The following KCNA2 variants were observed in gnomAD, a reference collection of about 807,000 sequenced individuals.
The protein encoded by KCNA2 is potassium voltage-gated channel subfamily A member 2.
In KCNA2, 11 loss-of-function variants were observed where a neutral mutation model predicts 33.4. That is an observed-to-expected ratio of 0.33 (90% CI 0.21 to 0.55). KCNA2 has a LOEUF of 0.55. KCNA2 is among the 20% of genes least tolerant of loss of function. The probability of loss-of-function intolerance (pLI) is 0.93; values close to 1 mark genes in which losing one functional copy is unlikely to be tolerated. For synonymous variants in KCNA2, 222 were observed against 231.3 expected (o/e 0.96, Z 0.37); for missense variants, 291 against 621.6 (o/e 0.47, Z 5.66).
chr1:110,599,933 G>T lies in KCNA2; in HGVS notation c.*3350C>A. 3.0e-6 allele frequency: 3 copies of T among 985,376 alleles called. No individual in the cohort carries two copies. The highest frequency in any genetic ancestry group is 3.6e-6 in the Non-Finnish European group (3 of 829,938). 61.0% of individuals were successfully genotyped at this position (985,376 alleles called of 1,614,324 possible). A position where few individuals can be genotyped will look rare whatever the true frequency, so the allele number is the denominator to read the frequency against. ...CCCAGGTTTCTGGTGGGAGGAAGGT[G>T]AATTGGTAGAGACCCCATGCAATTC... On this transcript the variant is annotated 3_prime_UTR_variant, in exon 3 of 3. Coordinates refer to ENST00000316361, the MANE Select transcript of KCNA2 (RefSeq NM_004974.4).
intron 1 of KCNA2, among the ~76,000 whole-genome samples, chr1:110,625,000 T>C (rs1453319600): frequency 6.6e-6 from 1 of 152,192 alleles, no homozygotes; most frequent in Non-Finnish European, 1.5e-5. Context: ...CATCCTGACT[T>C]CTTCCTCCTT....
At chr1:110,631,194 C>A (rs61784717) in intron 1 of KCNA2, among the ~76,000 whole-genome samples, 261 of 152,266 alleles carry the variant, frequency 1.7e-3, no homozygotes, top group Non-Finnish European at 1.9e-3. Context: ...CATTACTGAT[C>A]CCCGGGTTGC....
In KCNA2 at chr1:110,597,776, A is replaced by G. The variant is rs992163152; in HGVS notation, c.*5507T>C. On this transcript the variant is annotated 3_prime_UTR_variant, in exon 3 of 3. Transcript: ENST00000316361. ...AAGATTTTGAAAGAGCTATTGCTAAAGAAAACAGTCACTATTTATTTTATT... is the reference window on the plus strand; with the variant it reads ...AAGATTTTGAAAGAGCTATTGCTAAGGAAAACAGTCACTATTTATTTTATT... The G allele has an allele frequency of 6.1e-6, 6 of 985,182 alleles. No individual in the cohort carries two copies. The African/African-American group carries it at 1.0e-4, about 17-fold the overall frequency. The allele number at this position is 985,182 out of a possible 1,614,324, so 61.0% of individuals were successfully genotyped here. A position where few individuals can be genotyped will look rare whatever the true frequency, so the allele number is the denominator to read the frequency against.
intron 1 of KCNA2, among the ~76,000 whole-genome samples, chr1:110,630,804 G>A (rs771602463): frequency 2.0e-5 from 3 of 152,128 alleles, no homozygotes; most frequent in African/African-American, 4.8e-5. Context: ...GGACCCCATT[G>A]TCACTGCCTC....
Position 110,597,609 on chromosome 1 carries a change from G to T in KCNA2, c.*5674C>A, listed in dbSNP as rs1649151225. 2 of 985,316 alleles carry T rather than the reference G, an allele frequency of 2.0e-6. No individual in the cohort carries two copies. The highest frequency in any genetic ancestry group is 9.4e-5 in the South Asian group (2 of 21,286). The allele number at this position is 985,316 out of a possible 1,614,324, so 61.0% of individuals were successfully genotyped here. A position where few individuals can be genotyped will look rare whatever the true frequency, so the allele number is the denominator to read the frequency against. On this transcript the variant is annotated 3_prime_UTR_variant, in exon 3 of 3. Transcript: ENST00000316361. The stretch of plus-strand genomic sequence containing the variant: ...CTTAGCATATGTGTCCATTCCAGAA[G>T]GAGGTCAGATCTCAAGAGGACAGGA...
chr1:110,624,376 G>C (rs1378426037), intron 1 of KCNA2, among the ~76,000 whole-genome samples: 1 of 152,336 alleles, frequency 6.6e-6, no homozygotes, highest in East Asian at 1.9e-4. Flanking sequence ...AGTGAAAGAA[G>C]ACAGACATAA....
At chr1:110,622,231 T>C (rs578060978) in intron 1 of KCNA2, among the ~76,000 whole-genome samples, 29 of 152,228 alleles carry the variant, frequency 1.9e-4, no homozygotes, top group African/African-American at 6.7e-4. Flanking sequence ...ATGAAAAATA[T>C]GAAAAAGCAA....
Position 110,601,639 on chromosome 1 carries a change from A to T in KCNA2, c.*1644T>A. ...AATTCTAACGTCTAGGAATCCATGG[A>T]TACCGGAGTGTCTGAGGCAATGGCA... is the stretch of plus-strand genomic sequence containing the variant. On this transcript the variant is annotated 3_prime_UTR_variant, in exon 3 of 3. Coordinates refer to ENST00000316361, the MANE Select transcript of KCNA2 (RefSeq NM_004974.4). The T allele has an allele frequency of 9.8e-7, 1 of 1,023,974 alleles. No individual in the cohort carries two copies. Among genetic ancestry groups the T allele is most frequent in the Non-Finnish European group, 1.2e-6 (1 of 855,752 alleles). The allele number at this position is 1,023,974 out of a possible 1,614,324, so 63.4% of individuals were successfully genotyped here. A position where few individuals can be genotyped will look rare whatever the true frequency, so the allele number is the denominator to read the frequency against.
chr1:110,599,606 A>T lies in KCNA2; in HGVS notation c.*3677T>A. On this transcript the variant is annotated 3_prime_UTR_variant, in exon 3 of 3. Transcript: ENST00000316361. ...CTCATTTTAAGAGACAGGTCTCTAT[A>T]GGGTCTCAACTTCCTGACCGTGCCC... The T allele has an allele frequency of 2.0e-6, 2 of 985,498 alleles. No individual in the cohort carries two copies. Among genetic ancestry groups the T allele is most frequent in the Non-Finnish European group, 2.4e-6 (2 of 829,960 alleles). 61.0% of individuals were successfully genotyped at this position (985,498 alleles called of 1,614,324 possible).
At position 110,602,290 on chromosome 1, in the gene KCNA2, T is replaced by G. The variant is rs1649395113; in HGVS notation, c.*993A>C. Reference sequence around the variant, plus strand: ...TGCCTTCTGATGGGAAAAAAACCCCTAGTTCAAGACCATTCCAAGCCTATT... The same window carrying G: ...TGCCTTCTGATGGGAAAAAAACCCCGAGTTCAAGACCATTCCAAGCCTATT... On this transcript the variant is annotated 3_prime_UTR_variant, in exon 3 of 3. Transcript: ENST00000316361. 6 of 1,492,436 alleles carry G rather than the reference T, an allele frequency of 4.0e-6. No individual in the cohort carries two copies. In the South Asian group the frequency reaches 8.1e-5, roughly 20 times the overall value. 92.4% of individuals were successfully genotyped at this position (1,492,436 alleles called of 1,614,324 possible).
chr1:110,618,837 C>T (rs1332423947), intron 1 of KCNA2, among the ~76,000 whole-genome samples: 1 of 152,190 alleles, frequency 6.6e-6, no homozygotes, highest in East Asian at 1.9e-4. Context: ...TTCAGACCAT[C>T]TTCTGAACCA....
chr1:110,600,984 A>G lies in KCNA2; in HGVS notation c.*2299T>C. ...ACCCCTGCAATTCACTGTTTGGGAA[A>G]ATTAAGCTACTCCGTCAAAAGGCAA... On this transcript the variant is annotated 3_prime_UTR_variant, in exon 3 of 3. Transcript: ENST00000316361. 1 of 985,516 alleles carries G rather than the reference A, an allele frequency of 1.0e-6. No homozygotes were observed. The highest frequency in any genetic ancestry group is 1.2e-6 in the Non-Finnish European group (1 of 830,006). 61.0% of individuals were successfully genotyped at this position (985,516 alleles called of 1,614,324 possible). A position where few individuals can be genotyped will look rare whatever the true frequency, so the allele number is the denominator to read the frequency against.
In KCNA2 at chr1:110,598,168, CA is replaced by C; in HGVS notation, c.*5114del. ...CAAGGCTAGGGGAACCTCCATTGTG[CA>C]ACCAAGGAGCACCATGGATATTATA... On this transcript the variant is annotated 3_prime_UTR_variant, in exon 3 of 3. Transcript: ENST00000316361. 1 of 697,618 alleles carries C rather than the reference CA, an allele frequency of 1.4e-6. No individual in the cohort carries two copies. Among genetic ancestry groups the C allele is most frequent in the Non-Finnish European group, 1.8e-6 (1 of 567,384 alleles). The allele number at this position is 697,618 out of a possible 1,614,324, so 43.2% of individuals were successfully genotyped here. A position where few individuals can be genotyped will look rare whatever the true frequency, so the allele number is the denominator to read the frequency against.
chr1:110,620,053 C>CGAGAGAGAGAGAGAGAGA (rs3050013), intron 1 of KCNA2, among the ~76,000 whole-genome samples: 11 of 126,832 alleles, frequency 8.7e-5, no homozygotes, highest in South Asian at 2.7e-4. Flanking sequence ...AGAGCGAGAG[C>CGAGAGAGAGAGAGAGAGA]GAGAGAGAGA....
intron 1 of KCNA2, among the ~76,000 whole-genome samples, chr1:110,627,167 G>A (rs943246332): frequency 3.3e-4 from 50 of 152,154 alleles, no homozygotes; most frequent in Admixed American, 2.0e-4. Flanking sequence ...GACAGGCTTG[G>A]CCTAGACTCC....
chr1:110,602,038 C>T lies in KCNA2; in HGVS notation c.*1245G>A, dbSNP rs756992381. On this transcript the variant is annotated 3_prime_UTR_variant, in exon 3 of 3. Transcript: ENST00000316361. Reference sequence around the variant, plus strand: ...ACACTGGATCCACAGACCTGCCTGTCATCAGGACCAGATGCCCTGGTCCAC... The same window carrying T: ...ACACTGGATCCACAGACCTGCCTGTTATCAGGACCAGATGCCCTGGTCCAC... The T allele has an allele frequency of 5.8e-6, 9 of 1,550,188 alleles. No homozygotes were observed. In the Admixed American group the frequency reaches 1.2e-4, roughly 20 times the overall value.
In KCNA2 at chr1:110,603,435, C is replaced by G; in HGVS notation, c.1348G>C (p.Ala450Pro). 6.2e-7 allele frequency: 1 copy of G among 1,614,146 alleles called. No homozygotes were observed. Among genetic ancestry groups the G allele is most frequent in the Non-Finnish European group, 8.5e-7 (1 of 1,180,034 alleles). Residue 450 changes from alanine to proline, a missense_variant, in exon 3 of 3, where the codon GCC becomes CCC. This residue lies in a region of KCNA2 where 65 missense variants were observed against 95.1 expected (regional missense o/e 0.68). Transcript: ENST00000316361. The surrounding 1 kb of genome is among the most constrained non-coding windows in gnomAD (Gnocchi z 5.7). ...SSPDLKKSRSASTISKSDYME... is the reference protein window; with the variant it reads ...SSPDLKKSRSPSTISKSDYME... ...TAATCAGACTTACTAATGGTAGAGGCACTTCTACTTTTCTTTAGGTCAGGG... is the reference window on the plus strand; with the variant it reads ...TAATCAGACTTACTAATGGTAGAGGGACTTCTACTTTTCTTTAGGTCAGGG...
intron 1 of KCNA2, among the ~76,000 whole-genome samples, chr1:110,613,462 G>A (rs1649948730): frequency 1.3e-5 from 2 of 152,246 alleles, no homozygotes; most frequent in South Asian, 2.1e-4. Context: ...CAGATGCACA[G>A]CCTCTATGGT....
rs1649288438 is a variant in KCNA2 at position 110,600,443 on chromosome 1, G to A, written c.*2840C>T. On this transcript the variant is annotated 3_prime_UTR_variant, in exon 3 of 3. Transcript: ENST00000316361. ...TATGTTTGTCTTTTGTGTATGTTCT[G>A]TGTAAATTCTATATCTGTGCAGAGT... The A allele has an allele frequency of 2.0e-6, 2 of 984,864 alleles. No individual in the cohort carries two copies. Among genetic ancestry groups the A allele is most frequent in the Non-Finnish European group, 2.4e-6 (2 of 829,794 alleles). The allele number at this position is 984,864 out of a possible 1,614,324, so 61.0% of individuals were successfully genotyped here.
Sources: allele counts gnomAD v4.1 joint callset (sites outside exome capture counted in the v4.1 genomes callset), GRCh38; gene constraint gnomAD v4.1.1; regional missense constraint gnomAD v4.1.1; non-coding constraint Gnocchi (gnomAD v3.1); transcripts MANE v1.5; gene names NCBI Gene and HGNC (gene_info 2026-07-23, HGNC 2026-07-21).